KCNMB2: variants seen among roughly 807,000 people sequenced by gnomAD.
KCNMB2 encodes potassium calcium-activated channel subfamily M regulatory beta subunit 2.
Under a neutral mutation model 24.5 loss-of-function variants are expected in KCNMB2, and 9 were observed. The ratio of observed to expected loss-of-function variants is 0.37; its 90% CI spans 0.22 to 0.64. The LOEUF (loss-of-function observed/expected upper bound fraction) is 0.64, where lower values mean the gene tolerates loss of function less well. Among genes scored for constraint, KCNMB2 ranks in the 30% least tolerant of loss-of-function variants. The pLI is 0.63. For synonymous variants in KCNMB2, 109 were observed against 104.4 expected (o/e 1.04, Z -0.27); for missense variants, 226 against 284.3 (o/e 0.79, Z 1.47).
intron 1 of KCNMB2, among the ~76,000 whole-genome samples, chr3:178,629,571 G>A (rs1329976327): frequency 6.6e-6 from 1 of 152,094 alleles, no homozygotes; most frequent in African/African-American, 2.4e-5. Context: ...GGAAAATGAG[G>A]TCACCAATAT....
intron 1 of KCNMB2, among the ~76,000 whole-genome samples, chr3:178,750,230 T>A (rs1560001098): frequency 6.9e-6 from 1 of 144,452 alleles, no homozygotes; most frequent in Non-Finnish European, 1.5e-5. Flanking sequence ...AAAAAAAAAA[T>A]TAGAAAATAG....
At chr3:178,714,148 C>CA (rs1299932910) in intron 1 of KCNMB2, among the ~76,000 whole-genome samples, 1 of 152,122 alleles carries the variant, frequency 6.6e-6, no homozygotes, top group Non-Finnish European at 1.5e-5. Flanking sequence ...CAGTCACACA[C>CA]ACACACAGTG....
intron 2 of KCNMB2, among the ~76,000 whole-genome samples, chr3:178,820,862 G>A (rs536772271): frequency 6.6e-6 from 1 of 152,182 alleles, no homozygotes; most frequent in African/African-American, 2.4e-5. Context: ...TGAACAGAAT[G>A]TTCCCTATAT....
At chr3:178,697,460 A>AT (rs918983188) in intron 1 of KCNMB2, among the ~76,000 whole-genome samples, 8 of 151,926 alleles carry the variant, frequency 5.3e-5, no homozygotes, top group African/African-American at 1.7e-4. Context: ...TGCTTGGTAT[A>AT]TTTTTTCTCC....
chr3:178,560,386 T>C (rs1432169737), intron 1 of KCNMB2, among the ~76,000 whole-genome samples: 1 of 152,210 alleles, frequency 6.6e-6, no homozygotes, highest in African/African-American at 2.4e-5. Flanking sequence ...GGGAGACTTC[T>C]ATCTGGAGGG....
intron 1 of KCNMB2, among the ~76,000 whole-genome samples, chr3:178,560,179 A>G (rs1289044904): frequency 6.6e-6 from 1 of 151,612 alleles, no homozygotes; most frequent in African/African-American, 2.4e-5. Flanking sequence ...ATTTTAGATC[A>G]CCAAACAAAA....
intron 1 of KCNMB2, chr3:178,757,048 A>G (rs1443455738): frequency 1.3e-5 from 2 of 151,776 alleles, no homozygotes; most frequent in Non-Finnish European, 2.9e-5. Context: ...TATATTTCAG[A>G]GCCTTTCCTC....
At chr3:178,718,281 G>A (rs557680192) in intron 1 of KCNMB2, among the ~76,000 whole-genome samples, 138 of 152,306 alleles carry the variant, frequency 9.1e-4, no homozygotes, top group Non-Finnish European at 1.7e-3. Context: ...CTCTCTAGCA[G>A]GTGTTACGTT....
intron 1 of KCNMB2, among the ~76,000 whole-genome samples, chr3:178,654,032 T>C (rs1201869241): frequency 1.3e-5 from 2 of 152,128 alleles, no homozygotes; most frequent in African/African-American, 4.8e-5. Flanking sequence ...CCTAGAAGCT[T>C]TAGGTTATAG....
intron 1 of KCNMB2, among the ~76,000 whole-genome samples, chr3:178,551,818 A>T (rs1367008770): frequency 4.6e-5 from 7 of 152,322 alleles, no homozygotes; most frequent in Non-Finnish European, 1.0e-4. Flanking sequence ...TGCCCAAGGT[A>T]CACAACTTGT....
At chr3:178,774,370 G>A (rs1177372719) in intron 1 of KCNMB2, among the ~76,000 whole-genome samples, 1 of 152,174 alleles carries the variant, frequency 6.6e-6, no homozygotes, top group Non-Finnish European at 1.5e-5. Context: ...TATCTACAGA[G>A]CCCTTTCTAT....
At chr3:178,641,814 T>C (rs1458394978) in intron 1 of KCNMB2, among the ~76,000 whole-genome samples, 3 of 152,164 alleles carry the variant, frequency 2.0e-5, no homozygotes, top group Non-Finnish European at 4.4e-5. Flanking sequence ...TCTTTTCAAG[T>C]TGAGAAAGTT....
intron 3 of KCNMB2, 131 bp from the exon 4 acceptor site, chr3:178,828,047 C>T: frequency 1.4e-6 from 1 of 711,288 alleles, no homozygotes; most frequent in East Asian, 2.7e-5. Context: ...CTAAACTTTA[C>T]ACAGATAGAT....
intron 2 of KCNMB2, among the ~76,000 whole-genome samples, chr3:178,823,641 A>C (rs1371380513): frequency 6.6e-6 from 1 of 152,242 alleles, no homozygotes; most frequent in Non-Finnish European, 1.5e-5. Flanking sequence ...ATAAGGAATC[A>C]AAATGTTTAG....
intron 1 of KCNMB2, among the ~76,000 whole-genome samples, chr3:178,631,282 G>T (rs1383091865): frequency 6.6e-6 from 1 of 152,092 alleles, no homozygotes; most frequent in Admixed American, 6.5e-5. Context: ...TGAAATTCCT[G>T]GTAAAGATGG....
intron 1 of KCNMB2, among the ~76,000 whole-genome samples, chr3:178,656,492 G>A (rs552487382): frequency 6.6e-6 from 1 of 152,278 alleles, no homozygotes; most frequent in Non-Finnish European, 1.5e-5. Context: ...CTGTGCTCAG[G>A]CTGGGTGCGG....
intron 1 of KCNMB2, among the ~76,000 whole-genome samples, chr3:178,575,464 A>T (rs1000893798): frequency 1.3e-5 from 2 of 152,250 alleles, no homozygotes; most frequent in African/African-American, 4.8e-5. Flanking sequence ...ACTTCCAAAC[A>T]TGTAGAAGCA....
intron 1 of KCNMB2, among the ~76,000 whole-genome samples, chr3:178,669,904 A>G (rs1720842491): frequency 6.6e-6 from 1 of 152,100 alleles, no homozygotes; most frequent in Non-Finnish European, 1.5e-5. Flanking sequence ...GCAGCAAACC[A>G]CAGAGATAAG....
At chr3:178,569,640 G>T (rs1172922793) in intron 1 of KCNMB2, among the ~76,000 whole-genome samples, 1 of 143,332 alleles carries the variant, frequency 7.0e-6, no homozygotes, top group African/African-American at 3.0e-5. Context: ...TCACAGCCTG[G>T]TGTATTGAAC....
Sources: allele counts gnomAD v4.1 joint callset (sites outside exome capture counted in the v4.1 genomes callset), GRCh38; gene constraint gnomAD v4.1.1; transcripts MANE v1.5; gene names NCBI Gene and HGNC (gene_info 2026-07-23, HGNC 2026-07-21).